SYT14: variants seen among roughly 807,000 people sequenced by gnomAD.
SYT14 encodes synaptotagmin 14, also known as synaptotagmin-14.
A neutral mutation model predicts 74.2 loss-of-function variants in SYT14; 32 were observed. That is an observed-to-expected ratio of 0.43 (90% CI 0.33 to 0.58). The LOEUF (loss-of-function observed/expected upper bound fraction) is 0.58, where lower values mean the gene tolerates loss of function less well. Ranked by LOEUF, SYT14 falls within the 20% of genes least tolerant of loss-of-function variation. The pLI, the probability that SYT14 is intolerant of heterozygous loss-of-function variation, is 0.05. For missense variants in SYT14, 791 were observed against 981.8 expected (o/e 0.81, Z 2.60); for synonymous variants, 298 against 337.7 (o/e 0.88, Z 1.29).
At chr1:210,135,271 C>T (rs1009813753) in intron 7 of SYT14, among the ~76,000 whole-genome samples, 7 of 152,258 alleles carry the variant, frequency 4.6e-5, no homozygotes, top group Admixed American at 2.6e-4. Context: ...CATGAGCCAC[C>T]GCACCTGGCT....
intron 2 of SYT14, among the ~76,000 whole-genome samples, chr1:209,968,914 T>C (rs779744905): frequency 3.9e-5 from 6 of 152,060 alleles, no homozygotes; most frequent in African/African-American, 7.2e-5. Flanking sequence ...CCCACTCTTA[T>C]AGTCCCCAGT....
At chr1:210,114,814 T>C (rs2082327195) in intron 7 of SYT14, among the ~76,000 whole-genome samples, 1 of 150,266 alleles carries the variant, frequency 6.7e-6, no homozygotes, top group African/African-American at 2.5e-5. Context: ...ATAAAAGGAT[T>C]ATAGGGTGGG....
chr1:210,113,870 T>C (rs1277781782), intron 7 of SYT14, among the ~76,000 whole-genome samples: 2 of 149,450 alleles, frequency 1.3e-5, no homozygotes, highest in Non-Finnish European at 1.5e-5. Context: ...AGTTGGGGAG[T>C]TTTAAGAGGT....
chr1:210,151,224 AC>A (rs1471610375), intron 7 of SYT14, among the ~76,000 whole-genome samples: 1 of 152,156 alleles, frequency 6.6e-6, no homozygotes, highest in East Asian at 1.9e-4. Flanking sequence ...TGCATTAATC[AC>A]CTGCAGCTAC....
At chr1:210,161,748 T>C (rs2083376878) in exon 10 of SYT14, 1 of 453,838 alleles carries the variant, frequency 2.2e-6, no homozygotes, top group African/African-American at 2.0e-5. Flanking sequence ...CAAGTCACTG[T>C]ACTGGTCCCT....
intron 7 of SYT14, among the ~76,000 whole-genome samples, chr1:210,128,466 A>T (rs954756711): frequency 3.9e-5 from 6 of 152,084 alleles, no homozygotes; most frequent in African/African-American, 1.4e-4. Context: ...TTTGCAACTC[A>T]TATACAATAT....
chr1:209,944,732 G>A (rs1396043225), intron 1 of SYT14, among the ~76,000 whole-genome samples: 3 of 151,598 alleles, frequency 2.0e-5, no homozygotes, highest in African/African-American at 4.8e-5. Flanking sequence ...GAGGGTTGGA[G>A]GCCTGAAGTT....
intron 5 of SYT14, among the ~76,000 whole-genome samples, chr1:210,022,941 A>G (rs967028393): frequency 3.3e-5 from 5 of 152,102 alleles, no homozygotes; most frequent in African/African-American, 9.7e-5. Flanking sequence ...CTATGGAAAG[A>G]GCAGTGAGGA....
At chr1:210,026,748 C>T (rs564972912) in intron 5 of SYT14, among the ~76,000 whole-genome samples, 60 of 151,108 alleles carry the variant, frequency 4.0e-4, no homozygotes, top group African/African-American at 1.4e-3. Context: ...TTTATTTATT[C>T]CTTTTATTTA....
chr1:210,019,280 A>T (rs926392064), intron 4 of SYT14, among the ~76,000 whole-genome samples: 1 of 152,060 alleles, frequency 6.6e-6, no homozygotes, highest in African/African-American at 2.4e-5. Context: ...CTGGTTTAAG[A>T]TCCCCACCAT....
chr1:210,031,951 G>A (rs2080545542), intron 5 of SYT14, among the ~76,000 whole-genome samples: 1 of 152,054 alleles, frequency 6.6e-6, no homozygotes, highest in Non-Finnish European at 1.5e-5. Flanking sequence ...TTCTCTCTTT[G>A]CTATGGACTA....
chr1:210,158,254 G>A (rs2083306532), intron 8 of SYT14, among the ~76,000 whole-genome samples: 1 of 152,088 alleles, frequency 6.6e-6, no homozygotes, highest in Non-Finnish European at 1.5e-5. Flanking sequence ...AGGCCTGGGG[G>A]ATAACTGAAA....
chr1:210,015,668 A>G (rs949884322), intron 3 of SYT14: 1 of 179,682 alleles, frequency 5.6e-6, no homozygotes, highest in Non-Finnish European at 1.1e-5. Flanking sequence ...AATCCTTTTT[A>G]TACTTCTTTT....
At chr1:210,091,315 C>G (rs1179419077) in intron 5 of SYT14, among the ~76,000 whole-genome samples, 1 of 152,146 alleles carries the variant, frequency 6.6e-6, no homozygotes, top group Non-Finnish European at 1.5e-5. Context: ...TTATACTGTG[C>G]TGGCATATCA....
At chr1:210,069,722 C>G (rs1298086092) in intron 5 of SYT14, among the ~76,000 whole-genome samples, 1 of 151,850 alleles carries the variant, frequency 6.6e-6, no homozygotes, top group Non-Finnish European at 1.5e-5. Flanking sequence ...TATCGCAGTA[C>G]TTTTTATAAT....
At chr1:209,982,744 A>C (rs1032579973) in intron 2 of SYT14, among the ~76,000 whole-genome samples, 1 of 152,230 alleles carries the variant, frequency 6.6e-6, no homozygotes, top group Non-Finnish European at 1.5e-5. Flanking sequence ...TATGGTAAGA[A>C]TATATTTAGC....
At chr1:210,086,407 G>T (rs1314552120) in intron 5 of SYT14, among the ~76,000 whole-genome samples, 1 of 152,106 alleles carries the variant, frequency 6.6e-6, no homozygotes, top group Non-Finnish European at 1.5e-5. Flanking sequence ...CATTTCTTCA[G>T]TGAGCAATAA....
intron 6 of SYT14, among the ~76,000 whole-genome samples, chr1:210,097,784 T>G (rs1347715912): frequency 6.6e-6 from 1 of 152,252 alleles, no homozygotes; most frequent in Admixed American, 6.5e-5. Flanking sequence ...CATTAAAAAC[T>G]GAATTCTCTT....
intron 5 of SYT14, among the ~76,000 whole-genome samples, chr1:210,082,843 T>G (rs1371873651): frequency 6.6e-6 from 1 of 152,234 alleles, no homozygotes; most frequent in Non-Finnish European, 1.5e-5. Flanking sequence ...ATGGTCTTGC[T>G]TTACAGCTCT....
Sources: allele counts gnomAD v4.1 joint callset (sites outside exome capture counted in the v4.1 genomes callset), GRCh38; gene constraint gnomAD v4.1.1; transcripts MANE v1.5; gene names NCBI Gene and HGNC (gene_info 2026-07-23, HGNC 2026-07-21).